LDLRAD4: variants seen among roughly 807,000 people sequenced by gnomAD.
The protein encoded by LDLRAD4 is low density lipoprotein receptor class A domain containing 4.
Under a neutral mutation model 17.0 loss-of-function variants are expected in LDLRAD4, and 5 were observed. That is an observed-to-expected ratio of 0.29 (90% CI 0.15 to 0.62). The LOEUF is 0.62. Ranked by LOEUF, LDLRAD4 falls within the 20% of genes least tolerant of loss-of-function variation. The pLI is 0.84. For missense variants in LDLRAD4, 340 were observed against 424.7 expected, an observed-to-expected ratio of 0.80 and a Z score of 1.75; for synonymous variants, 168 against 171.8, an observed-to-expected ratio of 0.98 and a Z score of 0.17.
chr18:13,484,072 C>G (rs1469729339), intron 3 of LDLRAD4: 1 of 152,262 alleles, frequency 6.6e-6, no homozygotes, highest in African/African-American at 2.4e-5. Flanking sequence ...CCCTGTGTGA[C>G]AGCAATGAGG....
At chr18:13,607,736 G>A (rs143656859) in intron 3 of LDLRAD4, among the ~76,000 whole-genome samples, 3,360 of 152,118 alleles carry the variant, frequency 0.022, 40 homozygotes, top group African/African-American at 0.039. Context: ...GAGGATGATG[G>A]TTTCCAGCTT....
intron 1 of LDLRAD4, among the ~76,000 whole-genome samples, chr18:13,291,096 G>A (rs2045936227): frequency 6.6e-6 from 1 of 152,220 alleles, no homozygotes; most frequent in Non-Finnish European, 1.5e-5. Flanking sequence ...TCTGGATGGA[G>A]TTTGGGCCTC....
intron 1 of LDLRAD4, among the ~76,000 whole-genome samples, chr18:13,243,756 A>G (rs575983355): frequency 9.8e-4 from 138 of 141,186 alleles, no homozygotes; most frequent in Middle Eastern, 7.5e-3. Context: ...CCGCACATCC[A>G]TCCATCAATT....
chr18:13,600,175 G>A (rs2148624902), intron 3 of LDLRAD4, among the ~76,000 whole-genome samples: 1 of 152,196 alleles, frequency 6.6e-6, no homozygotes, highest in East Asian at 1.9e-4. Context: ...AAAATATCTA[G>A]CATATCAGGC....
chr18:13,263,171 CT>C (rs2044006767), intron 1 of LDLRAD4, among the ~76,000 whole-genome samples: 1 of 136,834 alleles, frequency 7.3e-6, no homozygotes, highest in African/African-American at 2.8e-5. Flanking sequence ...TGCGTGGGGG[CT>C]GAGTCCCTTG....
intron 1 of LDLRAD4, among the ~76,000 whole-genome samples, chr18:13,255,310 C>A (rs2043445081): frequency 6.6e-6 from 1 of 152,148 alleles, no homozygotes; most frequent in South Asian, 2.1e-4. Context: ...TGGAAAGGCT[C>A]CACTCTCAAC....
chr18:13,504,611 A>G (rs541286124), intron 3 of LDLRAD4, among the ~76,000 whole-genome samples: 1 of 152,150 alleles, frequency 6.6e-6, no homozygotes, highest in African/African-American at 2.4e-5. Context: ...TACTTTTAGT[A>G]GAGATGGGGT....
At position 13,622,676 on chromosome 18, in the gene LDLRAD4, A is replaced by T. The variant is rs2040762576; in HGVS notation, c.336+1405A>T. Among the ~76,000 whole-genome samples the T allele has an allele frequency of 6.6e-6, 1 of 152,168 alleles. No individual in the cohort carries two copies. The highest frequency in any genetic ancestry group is 1.5e-5 in the Non-Finnish European group (1 of 68,028). Reference sequence around the variant, plus strand: ...CTGTAGATTGTTGGACAGAGGGAGGACTAATTCTTCTGAAGTTCTAAACAC... The same window carrying T: ...CTGTAGATTGTTGGACAGAGGGAGGTCTAATTCTTCTGAAGTTCTAAACAC... On this transcript the variant is annotated intron_variant, in intron 4 of 5. Coordinates refer to ENST00000359446, the Ensembl canonical transcript of LDLRAD4. This position sits in a 1 kb window ranked among gnomAD's most constrained non-coding sequence, Gnocchi z 5.3.
intron 1 of LDLRAD4, among the ~76,000 whole-genome samples, chr18:13,232,883 G>A (rs2042152503): frequency 6.6e-6 from 1 of 152,232 alleles, no homozygotes. Context: ...GCAGCAGGGA[G>A]AGAAGGCTGC....
At chr18:13,470,673 T>C (rs1042273365) in intron 3 of LDLRAD4, 2 of 150,894 alleles carry the variant, frequency 1.3e-5, no homozygotes, top group African/African-American at 4.9e-5. Context: ...GACCCTCTGG[T>C]CATGGCACTC....
chr18:13,510,659 A>G (rs1033187603), intron 3 of LDLRAD4, among the ~76,000 whole-genome samples: 1 of 152,200 alleles, frequency 6.6e-6, no homozygotes, highest in East Asian at 1.9e-4. Flanking sequence ...TTATACCCCA[A>G]AAGTATTGAA....
At chr18:13,508,184 G>A (rs1332697848) in intron 3 of LDLRAD4, among the ~76,000 whole-genome samples, 2 of 152,226 alleles carry the variant, frequency 1.3e-5, no homozygotes, top group Non-Finnish European at 2.9e-5. Flanking sequence ...TTCTATGAAG[G>A]CTGAGAGAGG....
At chr18:13,652,325 C>T (rs933882498) in exon 6 of LDLRAD4, 1 of 152,166 alleles carries the variant, frequency 6.6e-6, no homozygotes, top group African/African-American at 2.4e-5. Context: ...AAAAATCATG[C>T]TAATTGTATA....
At chr18:13,415,691 T>C (rs1434707742) in intron 2 of LDLRAD4, among the ~76,000 whole-genome samples, 1 of 152,216 alleles carries the variant, frequency 6.6e-6, no homozygotes, top group Non-Finnish European at 1.5e-5. Context: ...GGACGGTCCC[T>C]TGCAAACCCT....
chr18:13,535,594 T>A (rs1568310162), intron 3 of LDLRAD4, among the ~76,000 whole-genome samples: 1 of 152,236 alleles, frequency 6.6e-6, no homozygotes. Context: ...AAATATTTTC[T>A]CCTAGTCTGT....
intron 2 of LDLRAD4, among the ~76,000 whole-genome samples, chr18:13,395,651 C>T (rs1459359279): frequency 2.9e-5 from 2 of 67,938 alleles, no homozygotes; most frequent in East Asian, 1.1e-3. Context: ...GGGGAGCTGG[C>T]GTGGGGGCAG....
chr18:13,311,360 C>G (rs2047221310), intron 1 of LDLRAD4, among the ~76,000 whole-genome samples: 1 of 152,270 alleles, frequency 6.6e-6, no homozygotes, highest in Admixed American at 6.5e-5. Context: ...GTGAAAGAGT[C>G]TTTGTGCATC....
intron 1 of LDLRAD4, among the ~76,000 whole-genome samples, chr18:13,270,832 G>T (rs1362365943): frequency 6.6e-6 from 1 of 152,148 alleles, no homozygotes; most frequent in Non-Finnish European, 1.5e-5. Flanking sequence ...ATGAGACTAA[G>T]TATTGTTTTT....
At chr18:13,248,437 T>G (rs908345855) in intron 1 of LDLRAD4, among the ~76,000 whole-genome samples, 1 of 152,258 alleles carries the variant, frequency 6.6e-6, no homozygotes, top group Non-Finnish European at 1.5e-5. Context: ...TCTGTGCCTG[T>G]GCAGGTTATT....
Sources: gnomAD v4.1 joint callset for allele counts (sites outside exome capture counted in the v4.1 genomes callset) on GRCh38, gnomAD v4.1.1 for gene constraint, Gnocchi (gnomAD v3.1) non-coding constraint, MANE v1.5 for transcripts, NCBI Gene and HGNC (gene_info 2026-07-23, HGNC 2026-07-21) for gene names.